JOSD1: variants seen among roughly 807,000 people sequenced by gnomAD.
JOSD1 encodes Josephin domain containing 1, also known as josephin-1.
Under a neutral mutation model 24.3 loss-of-function variants are expected in JOSD1, and 11 were observed. That is an observed-to-expected ratio of 0.45 (90% CI 0.29 to 0.75). The LOEUF is 0.75. Among genes scored for constraint, JOSD1 ranks in the 30% least tolerant of loss-of-function variants. The pLI is 0.11. For missense variants in JOSD1, 184 were observed against 253.5 expected, an observed-to-expected ratio of 0.73 and a Z score of 1.86; for synonymous variants, 106 against 93.8, an observed-to-expected ratio of 1.13 and a Z score of -0.75.
chr22:38,700,709 G>T, intron 1 of JOSD1, 91 bp from the exon 2 acceptor site: 1 of 977,964 alleles, frequency 1.0e-6, no homozygotes, highest in Non-Finnish European at 1.2e-6. Flanking sequence ...GGTTCCGCGC[G>T]GCGAAGGGCT....
At chr22:38,691,867 T>C (rs1170719319) in intron 2 of JOSD1, among the ~76,000 whole-genome samples, 2 of 152,206 alleles carry the variant, frequency 1.3e-5, no homozygotes, top group African/African-American at 4.8e-5. Flanking sequence ...CTCATTGGTC[T>C]GTTTTTCTAC....
intron 2 of JOSD1, among the ~76,000 whole-genome samples, chr22:38,690,850 G>A (rs1015619932): frequency 5.3e-5 from 8 of 151,756 alleles, no homozygotes; most frequent in African/African-American, 1.2e-4. Context: ...GTGAAACCCC[G>A]TCTCTACTAA....
chr22:38,701,036 T>C, upstream of JOSD1: 1 of 949,382 alleles, frequency 1.1e-6, no homozygotes, highest in Non-Finnish European at 1.3e-6. Flanking sequence ...TCCTCACTCC[T>C]CCCAGCCGTG....
rs531209280 is a variant in JOSD1, at chr22:38,690,029, A to G, written c.186-605T>C. 2.0e-5 allele frequency among the ~76,000 whole-genome samples: 3 copies of G among 152,238 alleles called. No homozygotes were observed. In the East Asian group the frequency reaches 5.8e-4, roughly 29 times the overall value. ...TGCCAGGCAAACAAAACTCAGCTGCAGCACTGGTTTGCCCACCCAGCTTGA... is the reference window on the plus strand; with the variant it reads ...TGCCAGGCAAACAAAACTCAGCTGCGGCACTGGTTTGCCCACCCAGCTTGA... On this transcript the variant is annotated intron_variant, in intron 2 of 4. Coordinates refer to ENST00000683374, the MANE Select transcript of JOSD1 (RefSeq NM_001360236.2).
At chr22:38,701,083 C>G (rs928842549), upstream of JOSD1, 1 of 715,634 alleles carries the variant, frequency 1.4e-6, no homozygotes, top group Admixed American at 6.3e-5. Context: ...TCATCGGCAC[C>G]GGCCTGGGAG....
chr22:38,689,931 T>C (rs2092514534), intron 2 of JOSD1, among the ~76,000 whole-genome samples: 1 of 151,738 alleles, frequency 6.6e-6, no homozygotes, highest in South Asian at 2.1e-4. Context: ...TGTGTGTGTG[T>C]GTGTGTGTGT....
In JOSD1 at chr22:38,700,418, C is replaced by A. The variant is rs891950121; in HGVS notation, c.-431G>T. On this transcript the variant is annotated 5_prime_UTR_variant, in exon 2 of 5. Coordinates refer to ENST00000683374, the MANE Select transcript of JOSD1 (RefSeq NM_001360236.2). ...CTTTTCTTCCATTTCTTTTGAACCACGACGCCAATGACTCGGGAGACAAGG... is the reference window on the plus strand; with the variant it reads ...CTTTTCTTCCATTTCTTTTGAACCAAGACGCCAATGACTCGGGAGACAAGG... 1.0e-6 allele frequency: 1 copy of A among 987,754 alleles called. No homozygotes were observed. The highest frequency in any genetic ancestry group is 1.2e-6 in the Non-Finnish European group (1 of 831,460). 61.2% of individuals were successfully genotyped at this position (987,754 alleles called of 1,614,324 possible).
rs1288587502 is a variant in JOSD1 at position 38,686,647 on chromosome 22, T to C, written c.*1255A>G. On this transcript the variant is annotated 3_prime_UTR_variant, in exon 5 of 5. Coordinates refer to ENST00000683374, the MANE Select transcript of JOSD1 (RefSeq NM_001360236.2). ...ACCAGCCCAGGTCCTATTCCATCCA[T>C]ACAGCACAGAACCACCCAACCTGAG... 1.3e-5 allele frequency: 2 copies of C among 152,208 alleles called. No individual in the cohort carries two copies. Among genetic ancestry groups the C allele is most frequent in the Non-Finnish European group, 2.9e-5 (2 of 68,066 alleles). 9.4% of individuals were successfully genotyped at this position (152,208 alleles called of 1,614,324 possible).
chr22:38,697,114 G>A (rs1390950582), intron 2 of JOSD1, among the ~76,000 whole-genome samples: 1 of 152,222 alleles, frequency 6.6e-6, no homozygotes, highest in Non-Finnish European at 1.5e-5. Context: ...GCTGAGGCCT[G>A]TTCGACTCGT....
chr22:38,694,189 T>C (rs976710246), intron 2 of JOSD1, among the ~76,000 whole-genome samples: 4 of 152,198 alleles, frequency 2.6e-5, no homozygotes, highest in East Asian at 1.9e-4. Context: ...CTTTTAACAG[T>C]AATCAAGTGG....
intron 2 of JOSD1, among the ~76,000 whole-genome samples, chr22:38,690,144 A>G (rs1569263653): frequency 6.6e-6 from 1 of 152,160 alleles, no homozygotes; most frequent in Non-Finnish European, 1.5e-5. Context: ...TTTTACCTTC[A>G]TAAACTTGTC....
At chr22:38,699,742 G>T in intron 2 of JOSD1, 61 bp downstream of exon 2, 1 of 1,510,204 alleles carries the variant, frequency 6.6e-7, no homozygotes, top group Non-Finnish European at 9.2e-7. Flanking sequence ...CTGAGACACT[G>T]CCCCACCCAC....
At chr22:38,699,707 C>T in intron 2 of JOSD1, 96 bp downstream of exon 2, 1 of 1,180,164 alleles carries the variant, frequency 8.5e-7, no homozygotes, top group Non-Finnish European at 1.3e-6. Context: ...CTAGCTAATA[C>T]CTACAGCTTT....
intron 2 of JOSD1, among the ~76,000 whole-genome samples, chr22:38,690,097 G>C (rs1477105518): frequency 6.6e-6 from 1 of 152,170 alleles, no homozygotes; most frequent in Non-Finnish European, 1.5e-5. Flanking sequence ...TGTATTTTAA[G>C]ACAAGGTCCA....
intron 2 of JOSD1, among the ~76,000 whole-genome samples, chr22:38,696,330 T>C (rs983586004): frequency 7.3e-5 from 11 of 150,880 alleles, no homozygotes; most frequent in South Asian, 2.2e-4. Context: ...CTCTACCTCC[T>C]GGGTTCAAGT....
intron 2 of JOSD1, among the ~76,000 whole-genome samples, chr22:38,691,463 A>G (rs1396128638): frequency 2.0e-5 from 3 of 151,988 alleles, no homozygotes; most frequent in African/African-American, 7.3e-5. Flanking sequence ...AATACACTCT[A>G]AACTACTTCC....
chr22:38,687,744 T>G lies in JOSD1; in HGVS notation c.*158A>C. 1.6e-6 allele frequency: 1 copy of G among 615,936 alleles called. No individual in the cohort carries two copies. Among genetic ancestry groups the G allele is most frequent in the South Asian group, 2.0e-5 (1 of 49,902 alleles). 38.2% of individuals were successfully genotyped at this position (615,936 alleles called of 1,614,324 possible). A position where few individuals can be genotyped will look rare whatever the true frequency, so the allele number is the denominator to read the frequency against. Reference sequence around the variant, plus strand: ...GGAACAAAACACTGAGTAGTTCTTATAACAGTCCACACGTCTGTCCTATTG... The same window carrying G: ...GGAACAAAACACTGAGTAGTTCTTAGAACAGTCCACACGTCTGTCCTATTG... On this transcript the variant is annotated 3_prime_UTR_variant, in exon 5 of 5. Transcript: ENST00000683374.
In JOSD1 at chr22:38,700,236, A is replaced by G; in HGVS notation, c.-249T>C. ...TATTTTGCTACCACTGTCAAAGTGC[A>G]GAATTTAAAAAAACACATAAAATGT... On this transcript the variant is annotated 5_prime_UTR_variant, in exon 2 of 5. Coordinates refer to ENST00000683374, the MANE Select transcript of JOSD1 (RefSeq NM_001360236.2). 8.4e-7 allele frequency: 1 copy of G among 1,186,630 alleles called. No homozygotes were observed. The highest frequency in any genetic ancestry group is 1.0e-6 in the Non-Finnish European group (1 of 957,400). 73.5% of individuals were successfully genotyped at this position (1,186,630 alleles called of 1,614,324 possible). A position where few individuals can be genotyped will look rare whatever the true frequency, so the allele number is the denominator to read the frequency against.
intron 4 of JOSD1, among the ~76,000 whole-genome samples, 164 bp downstream of exon 4, chr22:38,688,771 T>C (rs999787410): frequency 2.0e-5 from 3 of 152,118 alleles, no homozygotes; most frequent in Non-Finnish European, 4.4e-5. Context: ...GATGCGCCAT[T>C]GAAGATTAAG....
Sources: allele counts gnomAD v4.1 joint callset (sites outside exome capture counted in the v4.1 genomes callset), GRCh38; gene constraint gnomAD v4.1.1; transcripts MANE v1.5; gene names NCBI Gene and HGNC (gene_info 2026-07-23, HGNC 2026-07-21).